E4F1: variants seen among roughly 807,000 people sequenced by gnomAD.
E4F1 encodes the protein E4F transcription factor 1.
Under a neutral mutation model 72.9 loss-of-function variants are expected in E4F1, and 30 were observed. That is an observed-to-expected ratio of 0.41 (90% CI 0.31 to 0.56). The LOEUF is 0.56. Among genes scored for constraint, E4F1 ranks in the 20% least tolerant of loss-of-function variants. The pLI is 0.25. For synonymous variants in E4F1, 542 were observed against 478.2 expected (o/e 1.13, Z -1.74); for missense variants, 1,091 against 1,117.5 (o/e 0.98, Z 0.34).
rs759931884 is a variant in E4F1, at chr16:2,234,597, G to A, written c.1608G>A (p.Val536=). 1.9e-6 allele frequency: 3 copies of A among 1,596,266 alleles called. No individual in the cohort carries two copies. In the South Asian group the frequency reaches 3.4e-5, roughly 18 times the overall value. Residue 536 remains valine (V), a synonymous_variant, in exon 11 of 14, where the codon GTG becomes GTA. Coordinates refer to ENST00000301727, the MANE Select transcript of E4F1 (RefSeq NM_004424.5). Reference sequence around the variant, plus strand: ...TGTCTCCACAGAACGCACAGCAGGTGCACTTCAGGACACACCTGGAGGAGA... The same window carrying A: ...TGTCTCCACAGAACGCACAGCAGGTACACTTCAGGACACACCTGGAGGAGA... ...KRYKTKNAQQ[V]HFRTHLEEKP... is the part of the protein sequence containing the mutation.
Position 2,232,450 on chromosome 16 carries a change from C to T in E4F1, c.610-6C>T, listed in dbSNP as rs751032252. ...GGGCCCTGAGCTGCCACGCCCTCCCCCACAGGGCAGCATCCTCAAGGCCCA... is the reference window on the plus strand; with the variant it reads ...GGGCCCTGAGCTGCCACGCCCTCCCTCACAGGGCAGCATCCTCAAGGCCCA... On this transcript the variant is annotated splice_region_variant and splice_polypyrimidine_tract_variant and intron_variant, in intron 4 of 13. Transcript: ENST00000301727. 4.1e-5 allele frequency: 66 copies of T among 1,610,204 alleles called. No homozygotes were observed. Among genetic ancestry groups the T allele is most frequent in the Non-Finnish European group, 5.4e-5 (64 of 1,178,938 alleles).
intron 3 of E4F1, chr16:2,231,278 A>T (rs1410790192): frequency 6.6e-6 from 1 of 152,468 alleles, no homozygotes; most frequent in East Asian, 1.9e-4. Flanking sequence ...TCGCGGAAAA[A>T]GTTCGCGTCT....
chr16:2,233,548 G>T lies in E4F1; in HGVS notation c.1167G>T (p.Glu389Asp). The T allele has an allele frequency of 6.6e-7, 1 of 1,518,396 alleles. No homozygotes were observed. The highest frequency in any genetic ancestry group is 8.8e-7 in the Non-Finnish European group (1 of 1,132,566). 94.1% of individuals were successfully genotyped at this position (1,518,396 alleles called of 1,614,324 possible). A position where few individuals can be genotyped will look rare whatever the true frequency, so the allele number is the denominator to read the frequency against. Reference sequence around the variant, plus strand: ...TCCTTGAGCGCGCTGCTGGGGAGGAGGGTGCCCTGGAGCCAGCTCCTGCTG... The same window carrying T: ...TCCTTGAGCGCGCTGCTGGGGAGGATGGTGCCCTGGAGCCAGCTCCTGCTG... Reference protein sequence around the residue: ...GIVLERAAGEEGALEPAPAAG... With the variant: ...GIVLERAAGEDGALEPAPAAG... Residue 389 changes from glutamate (E) to aspartate (D), a missense_variant, in exon 8 of 14, where the codon GAG becomes GAT. Glu to Asp is a conservative substitution (Grantham distance 45). Around this residue, in one of 5 missense-constraint regions of E4F1, gnomAD observed 622 missense variants for 628.0 expected, o/e 0.99. Coordinates refer to ENST00000301727, the MANE Select transcript of E4F1 (RefSeq NM_004424.5).
intron 3 of E4F1, chr16:2,231,357 C>T (rs2093466716): frequency 2.6e-5 from 4 of 152,304 alleles, no homozygotes; most frequent in Admixed American, 2.6e-4. Flanking sequence ...TTTGGAAGAT[C>T]ACTCCTGGGG....
Position 2,234,185 on chromosome 16 carries a change from G to T in E4F1, c.1390G>T (p.Ala464Ser), listed in dbSNP as rs926673319. 1.2e-6 allele frequency: 2 copies of T among 1,611,996 alleles called. No homozygotes were observed. The highest frequency in any genetic ancestry group is 1.7e-5 in the Admixed American group (1 of 59,994). The change falls in exon 10 of 14, where the codon GCC becomes TCC. Residue 464 changes from alanine to serine, a missense_variant. Coordinates refer to ENST00000301727, the MANE Select transcript of E4F1 (RefSeq NM_004424.5). Reference sequence around the variant, plus strand: ...TGTGGCTGCAGGGCCGAGGCCGTTCGCCTGCGCGCAGTGTGGCAAGGCCTT... The same window carrying T: ...TGTGGCTGCAGGGCCGAGGCCGTTCTCCTGCGCGCAGTGTGGCAAGGCCTT... ...KRGHTGPRPF[A>S]CAQCGKAFPK...
intron 1 of E4F1, 80 bp downstream of exon 1, chr16:2,223,850 T>C: frequency 6.5e-7 from 1 of 1,530,752 alleles, no homozygotes; most frequent in Non-Finnish European, 8.7e-7. Flanking sequence ...TGGCCCGAGC[T>C]GCGGGCTCGA....
Position 2,233,078 on chromosome 16 carries a change from T to C in E4F1, c.951T>C (p.Thr317=). The change falls in exon 7 of 14, where the codon ACT becomes ACC. Residue 317 remains threonine, a synonymous_variant. Coordinates refer to ENST00000301727, the MANE Select transcript of E4F1 (RefSeq NM_004424.5). ...CGGTGACAGGCGAGCCTATAGAGAC[T>C]TCACCCGTGATTCACCTGGTGACAG... ...TSSVTGEPIE[T]SPVIHLVTDA... is the part of the protein sequence containing the mutation. The C allele has an allele frequency of 6.2e-7, 1 of 1,612,632 alleles. No homozygotes were observed. Among genetic ancestry groups the C allele is most frequent in the Non-Finnish European group, 8.5e-7 (1 of 1,179,542 alleles).
At chr16:2,229,792 G>C in intron 3 of E4F1, 117 bp downstream of exon 3, 2 of 1,149,732 alleles carry the variant, frequency 1.7e-6, no homozygotes, top group Non-Finnish European at 2.5e-6. Context: ...GCTGGGAGGG[G>C]CCGCGGCCTC....
At position 2,224,315 on chromosome 16, in the gene E4F1, A is replaced by G. The variant is rs2093418084; in HGVS notation, c.157+545A>G. Among the ~76,000 whole-genome samples the G allele has an allele frequency of 3.9e-5, 6 of 152,332 alleles. No homozygotes were observed. In the South Asian group the frequency reaches 1.2e-3, roughly 32 times the overall value. On this transcript the variant is annotated intron_variant, in intron 1 of 13. Transcript: ENST00000301727. Reference sequence around the variant, plus strand: ...GCTTTCTAGTTCTTTGATCCTGGGTAGGTGACCCTACCTCTGTGAACCTCT... The same window carrying G: ...GCTTTCTAGTTCTTTGATCCTGGGTGGGTGACCCTACCTCTGTGAACCTCT...
At chr16:2,224,020 C>A in intron 1 of E4F1, 4 of 1,392,402 alleles carry the variant, frequency 2.9e-6, no homozygotes, top group Non-Finnish European at 3.8e-6. Context: ...GGTTGCTGAG[C>A]CCCCGGGCGC....
intron 1 of E4F1, among the ~76,000 whole-genome samples, chr16:2,225,032 G>A (rs2093423248): frequency 6.6e-6 from 1 of 151,886 alleles, no homozygotes; most frequent in Non-Finnish European, 1.5e-5. Flanking sequence ...GGCCAACATG[G>A]TGAAACCCCT....
intron 1 of E4F1, among the ~76,000 whole-genome samples, chr16:2,226,877 C>T (rs1339637128): frequency 6.6e-6 from 1 of 152,220 alleles, no homozygotes; most frequent in Non-Finnish European, 1.5e-5. Flanking sequence ...AGTAAAGTCC[C>T]AAGTCAGTGA....
In E4F1 at chr16:2,232,642, GC is replaced by G. The variant is rs1359831074; in HGVS notation, c.730+68del. 5.3e-5 allele frequency: 85 copies of G among 1,604,222 alleles called. No homozygotes were observed. The East Asian group carries it at 1.9e-3, about 35-fold the overall frequency. On this transcript the variant is annotated intron_variant, in intron 5 of 13. Coordinates refer to ENST00000301727, the MANE Select transcript of E4F1 (RefSeq NM_004424.5). ...CGATGGTTGGCCCTGGGGTGCCCCA[GC>G]CTCGCATTCCCCAGCTTTGGGGGAT... is the stretch of plus-strand genomic sequence containing the variant.
chr16:2,232,018 T>C, intron 3 of E4F1, 153 bp from the exon 4 acceptor site: 1 of 899,720 alleles, frequency 1.1e-6, no homozygotes, highest in Admixed American at 2.4e-5. Context: ...AATGGGACCT[T>C]GGCTGTTGCT....
At position 2,228,365 on chromosome 16, in the gene E4F1, G is replaced by T; in HGVS notation, c.158-7G>T. 1.2e-6 allele frequency: 2 copies of T among 1,613,674 alleles called. No homozygotes were observed. Among genetic ancestry groups the T allele is most frequent in the South Asian group, 2.2e-5 (2 of 91,082 alleles). On this transcript the variant is annotated splice_polypyrimidine_tract_variant and splice_region_variant and intron_variant, in intron 1 of 13. Transcript: ENST00000301727. ...CCCAGGCCCTGCTGACAGCAGGCTC[G>T]TTGCAGATGAGGACGATGTGCACAG...
At chr16:2,230,671 G>A (rs2093462395) in intron 3 of E4F1, 1 of 152,258 alleles carries the variant, frequency 6.6e-6, no homozygotes, top group African/African-American at 2.4e-5. Context: ...CCGGGGCCTG[G>A]GAAGGGCACC....
Position 2,233,592 on chromosome 16 carries a change from C to T in E4F1, c.1211C>T (p.Pro404Leu). Reference protein sequence around the residue: ...PAPAAGSSPQPLAVAAPQLPV... With the variant: ...PAPAAGSSPQLLAVAAPQLPV... ...CCTGCTGCCGGGTCCAGTCCCCAGC[C>T]CCTGGCAGTGGCAGCCCCGCAGCTG... Residue 404 changes from proline to leucine, a missense_variant, in exon 8 of 14, where the codon CCC becomes CTC. Physicochemically the swap from Pro to Leu is moderately conservative, Grantham distance 98. Transcript: ENST00000301727. 4 of 1,511,210 alleles carry T rather than the reference C, an allele frequency of 2.6e-6. No individual in the cohort carries two copies. The highest frequency in any genetic ancestry group is 3.5e-6 in the Non-Finnish European group (4 of 1,128,614). The allele number at this position is 1,511,210 out of a possible 1,614,324, so 93.6% of individuals were successfully genotyped here.
chr16:2,223,702 T>A lies in E4F1; in HGVS notation c.89T>A (p.Val30Asp), dbSNP rs1361572144. The A allele has an allele frequency of 6.4e-7, 1 of 1,567,798 alleles. No homozygotes were observed. Among genetic ancestry groups the A allele is most frequent in the South Asian group, 1.1e-5 (1 of 87,718 alleles). ...EAGREAGEGAVAAVAAALAPS... is the reference protein window; with the variant it reads ...EAGREAGEGADAAVAAALAPS... ...GGGCGGGAAGCGGGCGAGGGTGCAG[T>A]TGCGGCGGTGGCGGCGGCCTTGGCC... The change falls in exon 1 of 14, where the codon GTT (valine) becomes GAT (aspartate). Residue 30 changes from valine (V) to aspartate (D), a missense_variant. Val to Asp is a radical substitution (Grantham distance 152). Coordinates refer to ENST00000301727, the MANE Select transcript of E4F1 (RefSeq NM_004424.5).
At chr16:2,234,089 C>T in intron 9 of E4F1, 82 bp from the exon 10 acceptor site, 2 of 1,561,236 alleles carry the variant, frequency 1.3e-6, no homozygotes, top group South Asian at 1.2e-5. Context: ...CAGCAGGGAG[C>T]CAGGGGATCT....
Sources: gnomAD v4.1 joint callset for allele counts (sites outside exome capture counted in the v4.1 genomes callset) on GRCh38, gnomAD v4.1.1 for gene constraint, gnomAD v4.1.1 regional missense constraint, MANE v1.5 for transcripts, NCBI Gene and HGNC (gene_info 2026-07-23, HGNC 2026-07-21) for gene names.